The following SCML4 variants were observed in gnomAD, a reference collection of about 807,000 sequenced individuals.
SCML4 encodes sex comb on midleg-like protein 4.
Under a neutral mutation model 41.1 loss-of-function variants are expected in SCML4, and 34 were observed. The ratio of observed to expected loss-of-function variants is 0.83; its 90% CI spans 0.63 to 1.10. The LOEUF (loss-of-function observed/expected upper bound fraction) is 1.10. Among genes scored for constraint, SCML4 ranks in the 50% least tolerant of loss-of-function variants. The pLI, the probability that SCML4 is intolerant of heterozygous loss-of-function variation, is 0.00. For missense variants in SCML4, 522 were observed against 534.1 expected, an observed-to-expected ratio of 0.98 and a Z score of 0.22; for synonymous variants, 214 against 220.9, an observed-to-expected ratio of 0.97 and a Z score of 0.28.
chr6:107,739,524 T>C (rs554991432), intron 5 of SCML4, among the ~76,000 whole-genome samples: 1 of 152,258 alleles, frequency 6.6e-6, no homozygotes, highest in East Asian at 1.9e-4. Context: ...CCTGGAACTC[T>C]TCAACTTGAA....
the SCML4 span, among the ~76,000 whole-genome samples, chr6:107,835,109 T>G: frequency 2.0e-5 from 3 of 151,786 alleles, no homozygotes; most frequent in East Asian, 5.8e-4. Context: ...GCCTGTAATC[T>G]CAGCACTTTG....
rs1302217299 is a variant in SCML4 at position 107,707,824 on chromosome 6, C to T, written c.1119+42G>A. 1.9e-6 allele frequency: 3 copies of T among 1,551,142 alleles called. No individual in the cohort carries two copies. The East Asian group carries it at 7.3e-5, about 38-fold the overall frequency. On this transcript the variant is annotated intron_variant, in intron 7 of 7. Coordinates refer to ENST00000369020, the MANE Select transcript of SCML4 (RefSeq NM_198081.5). ...GGACCTCACTCTCCTTCTGTGCCTG[C>T]TCCCTCAATCCCCCCCAAGGTCAAA...
At chr6:107,746,060 A>T (rs1214349337) in intron 4 of SCML4, 1 of 152,302 alleles carries the variant, frequency 6.6e-6, no homozygotes, top group African/African-American at 2.4e-5. Context: ...TATATATTAG[A>T]CAAGAAGTCA....
chr6:107,765,614 G>A (rs1442890901), intron 2 of SCML4, among the ~76,000 whole-genome samples: 6 of 150,028 alleles, frequency 4.0e-5, no homozygotes, highest in African/African-American at 7.6e-5. Context: ...TTCACAAGTC[G>A]TTTTTTACTT....
At chr6:107,828,407 G>A (rs1381021849), upstream of SCML4, among the ~76,000 whole-genome samples, 4 of 152,146 alleles carry the variant, frequency 2.6e-5, no homozygotes, top group East Asian at 1.9e-4. Flanking sequence ...TCAAAACATC[G>A]GTCTGCTGAA....
At chr6:107,757,039 T>A (rs1315171986) in intron 2 of SCML4, among the ~76,000 whole-genome samples, 1 of 152,222 alleles carries the variant, frequency 6.6e-6, no homozygotes, top group East Asian at 1.9e-4. Flanking sequence ...AGGTCTGTGC[T>A]TTGCCTCATT....
chr6:107,734,609 T>C (rs1307974438), intron 5 of SCML4, among the ~76,000 whole-genome samples: 1 of 152,198 alleles, frequency 6.6e-6, no homozygotes, highest in African/African-American at 2.4e-5. Flanking sequence ...CATTTTTCCC[T>C]TTTAGTTCAA....
chr6:107,761,313 G>A (rs4946855), intron 2 of SCML4, among the ~76,000 whole-genome samples: 110,877 of 151,924 alleles, frequency 0.73, 41,937 homozygotes, highest in East Asian at 0.9. Context: ...ATTATAAAAC[G>A]CCAAAGACAT....
At chr6:107,746,380 C>G (rs1027627861) in intron 4 of SCML4, 10 of 322,734 alleles carry the variant, frequency 3.1e-5, no homozygotes, top group Non-Finnish European at 5.6e-5. Context: ...TGAAGTGGAG[C>G]GAAAGGATTC....
At chr6:107,823,323 C>T (rs1320001668) in intron 1 of SCML4, among the ~76,000 whole-genome samples, 1 of 152,206 alleles carries the variant, frequency 6.6e-6, no homozygotes, top group Non-Finnish European at 1.5e-5. Flanking sequence ...AACAGCTCAG[C>T]AGCCTGCACC....
At chr6:107,782,432 C>G (rs1781578954) in intron 1 of SCML4, among the ~76,000 whole-genome samples, 1 of 152,208 alleles carries the variant, frequency 6.6e-6, no homozygotes, top group Non-Finnish European at 1.5e-5. Flanking sequence ...TGTGCCCCCT[C>G]CCTGTCTCAG....
intron 2 of SCML4, among the ~76,000 whole-genome samples, chr6:107,750,298 C>T (rs1778502959): frequency 6.6e-6 from 1 of 152,226 alleles, no homozygotes; most frequent in Non-Finnish European, 1.5e-5. Flanking sequence ...CTCCAAGAGG[C>T]TGACATACCA....
At chr6:107,800,099 C>A (rs9486713) in intron 1 of SCML4, among the ~76,000 whole-genome samples, 3,849 of 152,022 alleles carry the variant, frequency 0.025, 162 homozygotes, top group African/African-American at 0.087. Flanking sequence ...CATCCTCCCC[C>A]CTCAGCCTCC....
chr6:107,803,454 C>T (rs1348365978), intron 1 of SCML4, among the ~76,000 whole-genome samples: 44 of 148,542 alleles, frequency 3.0e-4, no homozygotes, highest in East Asian at 1.0e-3. Context: ...CCCGGCCAGC[C>T]GCCCGGTCCG....
intron 2 of SCML4, among the ~76,000 whole-genome samples, chr6:107,762,079 A>C (rs1211012433): frequency 6.6e-6 from 1 of 152,214 alleles, no homozygotes; most frequent in Non-Finnish European, 1.5e-5. Flanking sequence ...AATGCATGGC[A>C]ACAATAATAT....
At chr6:107,736,394 G>A (rs1777069342) in intron 5 of SCML4, among the ~76,000 whole-genome samples, 1 of 152,178 alleles carries the variant, frequency 6.6e-6, no homozygotes, top group South Asian at 2.1e-4. Flanking sequence ...GCTGGATAAC[G>A]GGCCTTACAG....
intron 1 of SCML4, among the ~76,000 whole-genome samples, chr6:107,820,656 AAG>A (rs1190859187): frequency 1.3e-5 from 2 of 152,210 alleles, no homozygotes; most frequent in Non-Finnish European, 2.9e-5. Flanking sequence ...AATTGAAACC[AAG>A]ACGAGTGCAA....
intron 1 of SCML4, among the ~76,000 whole-genome samples, chr6:107,815,161 C>T (rs747069140): frequency 6.6e-6 from 1 of 152,150 alleles, no homozygotes; most frequent in Non-Finnish European, 1.5e-5. Context: ...CTCTGATCCA[C>T]AGGTGCTCAA....
At chr6:107,762,441 T>C (rs1005695369) in intron 2 of SCML4, among the ~76,000 whole-genome samples, 5 of 152,174 alleles carry the variant, frequency 3.3e-5, no homozygotes, top group Non-Finnish European at 7.3e-5. Flanking sequence ...ATATTAGATG[T>C]TATGGGTTGA....
Sources: allele counts gnomAD v4.1 joint callset (sites outside exome capture counted in the v4.1 genomes callset), GRCh38; gene constraint gnomAD v4.1.1; transcripts MANE v1.5; gene names NCBI Gene and HGNC (gene_info 2026-07-23, HGNC 2026-07-21).